TRAPPC9: variants seen among roughly 807,000 people sequenced by gnomAD.
TRAPPC9 encodes IKK2 binding protein.
A neutral mutation model predicts 124.0 loss-of-function variants in TRAPPC9; 83 were observed. The ratio of observed to expected loss-of-function variants is 0.67; its 90% CI spans 0.56 to 0.80. The LOEUF is 0.80. TRAPPC9 is among the 30% of genes least tolerant of loss of function. The pLI is 0.00. For synonymous variants in TRAPPC9, 638 were observed against 617.5 expected, an observed-to-expected ratio of 1.03 and a Z score of -0.49; for missense variants, 1,302 against 1,508.3, an observed-to-expected ratio of 0.86 and a Z score of 2.27.
rs56674949 is a variant in TRAPPC9, at chr8:139,791,326, G to GAC, written c.3056-59126_3056-59125dup. Among the ~76,000 whole-genome samples the GAC allele has an allele frequency of 6.1e-3, 894 of 147,270 alleles. 10 individuals are homozygous for GAC. The highest frequency in any genetic ancestry group is 0.021 in the African/African-American group (835 of 39,908). On this transcript the variant is annotated intron_variant, in intron 21 of 22. Coordinates refer to ENST00000438773, the MANE Select transcript of TRAPPC9 (RefSeq NM_001160372.4). ...CACAGGCGCCCGTCTCCCCTGCACA[G>GAC]ACACACACACGCTCACACTCACACA... is the stretch of plus-strand genomic sequence containing the variant.
At chr8:140,375,539 G>A (rs1273674403) in intron 7 of TRAPPC9, among the ~76,000 whole-genome samples, 1 of 152,170 alleles carries the variant, frequency 6.6e-6, no homozygotes, top group South Asian at 2.1e-4. Context: ...ATACAGCCTG[G>A]AGCTGTAAAG....
At chr8:140,000,707 G>A (rs1276736091) in intron 18 of TRAPPC9, among the ~76,000 whole-genome samples, 1 of 152,160 alleles carries the variant, frequency 6.6e-6, no homozygotes, top group Non-Finnish European at 1.5e-5. Context: ...AGTTAGAATG[G>A]CAATCATTAA....
intron 21 of TRAPPC9, among the ~76,000 whole-genome samples, chr8:139,784,563 G>C (rs551372294): frequency 2.1e-5 from 3 of 142,154 alleles, no homozygotes; most frequent in African/African-American, 7.8e-5. Context: ...AACGGAGAGA[G>C]ACTCCATGTC....
intron 17 of TRAPPC9, among the ~76,000 whole-genome samples, chr8:140,026,234 A>T (rs1563699783): frequency 6.6e-6 from 1 of 152,066 alleles, no homozygotes; most frequent in Non-Finnish European, 1.5e-5. Flanking sequence ...TGTCTTACTC[A>T]TCCATTCGTC....
intron 9 of TRAPPC9, among the ~76,000 whole-genome samples, chr8:140,334,802 ATAGG>A (rs1354003177): frequency 6.6e-6 from 1 of 152,112 alleles, no homozygotes; most frequent in African/African-American, 2.4e-5. Flanking sequence ...AGGGAATCGG[ATAGG>A]TAAATTATTC....
At chr8:140,373,807 C>A (rs867254665) in intron 7 of TRAPPC9, among the ~76,000 whole-genome samples, 1 of 152,302 alleles carries the variant, frequency 6.6e-6, no homozygotes, top group Middle Eastern at 3.4e-3. Flanking sequence ...GATCACTGGC[C>A]ACTGGTATAT....
chr8:140,023,961 C>T lies in TRAPPC9; in HGVS notation c.2675G>A (p.Arg892Gln), dbSNP rs750715834. 8.7e-6 allele frequency: 14 copies of T among 1,613,858 alleles called. No individual in the cohort carries two copies. The highest frequency in any genetic ancestry group is 1.6e-4 in the Middle Eastern group (1 of 6,080). ...VEVEPSVFFT[R>Q]VSTLPATSTR... is the part of the protein sequence containing the mutation. ...CCTGGTTGCTGGGAGGGTGCTGACT[C>T]GGGTGAAAAATACAGACGGCTCGAC... Residue 892 changes from arginine to glutamine, a missense_variant, in exon 18 of 23, where the codon CGA becomes CAA. This residue lies in a region of TRAPPC9 where 640 missense variants were observed against 679.3 expected (regional missense o/e 0.94). Coordinates refer to ENST00000438773, the MANE Select transcript of TRAPPC9 (RefSeq NM_001160372.4).
At chr8:140,159,382 G>A (rs1256604891) in intron 17 of TRAPPC9, among the ~76,000 whole-genome samples, 1 of 152,056 alleles carries the variant, frequency 6.6e-6, no homozygotes, top group African/African-American at 2.4e-5. Context: ...GGAGGTAATT[G>A]TTGAATTATT....
At chr8:139,744,835 T>C (rs1432528742) in intron 21 of TRAPPC9, among the ~76,000 whole-genome samples, 2 of 152,230 alleles carry the variant, frequency 1.3e-5, no homozygotes, top group East Asian at 3.8e-4. Flanking sequence ...AATTTACTTT[T>C]ACAACTTTTC....
chr8:140,061,429 C>T (rs11991065), intron 17 of TRAPPC9, among the ~76,000 whole-genome samples: 21,089 of 152,140 alleles, frequency 0.14, 3,231 homozygotes, highest in African/African-American at 0.38. Context: ...TACACAAGTC[C>T]GGTTCTCTGT....
chr8:139,749,720 T>G (rs774601964), intron 21 of TRAPPC9, among the ~76,000 whole-genome samples: 8 of 152,104 alleles, frequency 5.3e-5, no homozygotes, highest in Non-Finnish European at 1.2e-4. Flanking sequence ...GGACATGAGG[T>G]GCAAAAGGAC....
At chr8:140,130,443 A>G (rs2061186913) in intron 17 of TRAPPC9, among the ~76,000 whole-genome samples, 1 of 152,192 alleles carries the variant, frequency 6.6e-6, no homozygotes, top group Non-Finnish European at 1.5e-5. Flanking sequence ...CAAATTACAG[A>G]ACCTGACTCT....
At chr8:140,401,660 G>A (rs542200136) in intron 6 of TRAPPC9, among the ~76,000 whole-genome samples, 10 of 152,036 alleles carry the variant, frequency 6.6e-5, no homozygotes, top group African/African-American at 2.4e-4. Context: ...GTCTTGCTCT[G>A]TTGCCCAGGC....
At chr8:140,020,146 T>C (rs1456630723) in intron 18 of TRAPPC9, among the ~76,000 whole-genome samples, 3 of 152,212 alleles carry the variant, frequency 2.0e-5, no homozygotes, top group African/African-American at 7.2e-5. Context: ...ACCACCCTAG[T>C]TACAATTTAT....
rs1842772209 is a variant in TRAPPC9 at position 140,063,978 on chromosome 8, T to C, written c.2557-39899A>G. ...TCCTGCCAGCAAAAATTCGACTCTC[T>C]GCTGCAGGCCCTCCTAAAATGGCAG... On this transcript the variant is annotated intron_variant, in intron 17 of 22. Coordinates refer to ENST00000438773, the MANE Select transcript of TRAPPC9 (RefSeq NM_001160372.4). The surrounding 1 kb of genome is among the most constrained non-coding windows in gnomAD (Gnocchi z 4.3). 1.3e-5 allele frequency among the ~76,000 whole-genome samples: 2 copies of C among 150,420 alleles called. No homozygotes were observed. Among genetic ancestry groups the C allele is most frequent in the Non-Finnish European group, 3.0e-5 (2 of 67,332 alleles).
intron 21 of TRAPPC9, among the ~76,000 whole-genome samples, chr8:139,764,793 G>T (rs1446168585): frequency 1.3e-5 from 2 of 152,172 alleles, no homozygotes; most frequent in Non-Finnish European, 2.9e-5. Flanking sequence ...CCCCTGAGCT[G>T]CCCACTCCCC....
At chr8:139,964,475 G>A (rs770051862) in intron 19 of TRAPPC9, among the ~76,000 whole-genome samples, 5 of 152,232 alleles carry the variant, frequency 3.3e-5, no homozygotes, top group East Asian at 1.9e-4. Flanking sequence ...CTAAGAAGCC[G>A]AAAGCCAAGT....
At chr8:139,934,327 CAGCAGGAGCGT>C (rs1285716284) in intron 19 of TRAPPC9, among the ~76,000 whole-genome samples, 4 of 152,276 alleles carry the variant, frequency 2.6e-5, no homozygotes, top group Admixed American at 2.6e-4. Flanking sequence ...GCTGTACGCA[CAGCAGGAGCGT>C]GCACAGGCTA....
At chr8:139,826,387 G>A (rs1825636642) in intron 21 of TRAPPC9, among the ~76,000 whole-genome samples, 1 of 152,212 alleles carries the variant, frequency 6.6e-6, no homozygotes, top group African/African-American at 2.4e-5. Flanking sequence ...GCAGATGGGG[G>A]CTGCAGGAGC....
Sources: gnomAD v4.1 joint callset for allele counts (sites outside exome capture counted in the v4.1 genomes callset) on GRCh38, gnomAD v4.1.1 for gene constraint, gnomAD v4.1.1 regional missense constraint, Gnocchi (gnomAD v3.1) non-coding constraint, MANE v1.5 for transcripts, NCBI Gene and HGNC (gene_info 2026-07-23, HGNC 2026-07-21) for gene names.